TOR1AIP1: variants seen among roughly 807,000 people sequenced by gnomAD.
TOR1AIP1 encodes the protein torsin-1A-interacting protein 1.
In TOR1AIP1, 54 loss-of-function variants were observed where a neutral mutation model predicts 63.3. That is an observed-to-expected ratio of 0.85 (90% confidence interval 0.69 to 1.07). The LOEUF is 1.07. Among genes scored for constraint, TOR1AIP1 ranks in the 50% least tolerant of loss-of-function variants. The pLI is 0.00. For synonymous variants in TOR1AIP1, 294 were observed against 273.5 expected, an observed-to-expected ratio of 1.07 and a Z score of -0.74; for missense variants, 736 against 715.0, an observed-to-expected ratio of 1.03 and a Z score of -0.33.
intron 8 of TOR1AIP1, among the ~76,000 whole-genome samples, chr1:179,909,518 C>G (rs1648764328): frequency 6.6e-6 from 1 of 152,106 alleles, no homozygotes; most frequent in African/African-American, 2.4e-5. Context: ...TCAAGCAATT[C>G]TCCTGCCTCA....
At chr1:179,904,412 G>A (rs1648565592) in intron 6 of TOR1AIP1, among the ~76,000 whole-genome samples, 1 of 152,120 alleles carries the variant, frequency 6.6e-6, no homozygotes, top group Non-Finnish European at 1.5e-5. Flanking sequence ...TAAAAGTTTG[G>A]AAGGATGAAT....
chr1:179,901,389 G>C lies in TOR1AIP1; in HGVS notation c.739+1G>C, dbSNP rs900977276. ...TCCAGGGATTCTGATGAATCTGGAG[G>C]TAATATTGCTTTATATACATATGAC... is the stretch of plus-strand genomic sequence containing the variant. On this transcript the variant is annotated splice_donor_variant, in intron 5 of 9. Transcript: ENST00000606911. LOFTEE classifies it high-confidence loss of function. 6.3e-7 allele frequency: 1 copy of C among 1,591,334 alleles called. No individual in the cohort carries two copies.
intron 5 of TOR1AIP1, among the ~76,000 whole-genome samples, chr1:179,902,450 C>T (rs751365684): frequency 4.6e-5 from 7 of 151,912 alleles, no homozygotes; most frequent in African/African-American, 7.3e-5. Flanking sequence ...TGCAGTGATG[C>T]GATCATGGCT....
rs1398160862 is a variant in TOR1AIP1 at position 179,919,805 on chromosome 1, T to C, written c.*1566T>C. 1 of 152,246 alleles carries C rather than the reference T, an allele frequency of 6.6e-6. No individual in the cohort carries two copies. The allele number at this position is 152,246 out of a possible 1,614,324, so 9.4% of individuals were successfully genotyped here. A position where few individuals can be genotyped will look rare whatever the true frequency, so the allele number is the denominator to read the frequency against. ...AGTACTACCAGTATTCATAAATGTA[T>C]ACCCCTTACTGTAATTTGTTCCTCT... is the stretch of plus-strand genomic sequence containing the variant. On this transcript the variant is annotated 3_prime_UTR_variant, in exon 10 of 10. Coordinates refer to ENST00000606911, the MANE Select transcript of TOR1AIP1 (RefSeq NM_015602.4).
chr1:179,908,656 T>A lies in TOR1AIP1; in HGVS notation c.890T>A (p.Ile297Lys). The A allele has an allele frequency of 6.2e-7, 1 of 1,613,482 alleles. No individual in the cohort carries two copies. The highest frequency in any genetic ancestry group is 8.5e-7 in the Non-Finnish European group (1 of 1,179,538). The change falls in exon 8 of 10, where the codon ATA (isoleucine) becomes AAA (lysine). Residue 297 changes from isoleucine (I) to lysine (K), a missense_variant. By Grantham distance (102) the Ile-to-Lys change is moderately radical (BLOSUM62 -3). Around this residue, in one of 2 missense-constraint regions of TOR1AIP1, gnomAD observed 272 missense variants for 344.1 expected, o/e 0.79. Transcript: ENST00000606911. Reference protein sequence around the residue: ...PQEWAPQTARIRTRMQNDSIL... With the variant: ...PQEWAPQTARKRTRMQNDSIL... ...GAATGGGCCCCACAAACTGCAAGAA[T>A]AAGGACCAGGATGCAAAGTAAGTAG...
Position 179,883,913 on chromosome 1 carries a change from G to A in TOR1AIP1, c.476-779G>A, listed in dbSNP as rs1233805218. The A allele has an allele frequency of 1.0e-5, 3 of 294,182 alleles. 1 individual carries two copies. The highest frequency in any genetic ancestry group is 5.8e-5 in the South Asian group (2 of 34,216). 18.2% of individuals were successfully genotyped at this position (294,182 alleles called of 1,614,324 possible). A position where few individuals can be genotyped will look rare whatever the true frequency, so the allele number is the denominator to read the frequency against. ...AGGCACCTGTGAGGTAAAAATCAGC[G>A]GACCTGAGTCACAATGGGATGACAT... On this transcript the variant is annotated intron_variant, in intron 1 of 9. Transcript: ENST00000606911.
rs1396498786 is a variant in TOR1AIP1, at chr1:179,889,388, G to A, written c.610+19G>A. On this transcript the variant is annotated intron_variant, in intron 3 of 9. Transcript: ENST00000606911. Reference sequence around the variant, plus strand: ...AGATATGGTAAGAGATTGTTTGTCTGTTGGTTTACCTTTGTTATAAATACA... The same window carrying A: ...AGATATGGTAAGAGATTGTTTGTCTATTGGTTTACCTTTGTTATAAATACA... The A allele has an allele frequency of 1.9e-6, 3 of 1,594,286 alleles. No individual in the cohort carries two copies. Among genetic ancestry groups the A allele is most frequent in the African/African-American group, 1.3e-5 (1 of 74,564 alleles).
chr1:179,904,502 C>G (rs994684829), intron 6 of TOR1AIP1: 1 of 152,072 alleles, frequency 6.6e-6, no homozygotes, highest in Non-Finnish European at 1.5e-5. Context: ...TTCAGTCTTA[C>G]AACTGAAAAT....
At chr1:179,887,372 C>T (rs190217545) in intron 2 of TOR1AIP1, among the ~76,000 whole-genome samples, 2 of 152,174 alleles carry the variant, frequency 1.3e-5, no homozygotes, top group Non-Finnish European at 2.9e-5. Context: ...GCACTCCAGC[C>T]TGGGTGATGG....
chr1:179,908,054 G>A (rs998206841), intron 7 of TOR1AIP1, among the ~76,000 whole-genome samples, 190 bp downstream of exon 7: 2 of 151,436 alleles, frequency 1.3e-5, no homozygotes, highest in South Asian at 2.1e-4. Context: ...GACTACAGGC[G>A]CCCGCCACCA....
At chr1:179,896,013 A>C (rs1158829928) in intron 3 of TOR1AIP1, among the ~76,000 whole-genome samples, 1 of 151,270 alleles carries the variant, frequency 6.6e-6, no homozygotes, top group Non-Finnish European at 1.5e-5. Flanking sequence ...AAAACAAAAG[A>C]GGGAAATGAA....
intron 8 of TOR1AIP1, among the ~76,000 whole-genome samples, chr1:179,910,272 A>G (rs1387315487): frequency 3.3e-5 from 5 of 152,222 alleles, no homozygotes; most frequent in Admixed American, 6.5e-5. Flanking sequence ...TCTAACCACA[A>G]TAGGTCTTGA....
Position 179,882,332 on chromosome 1 carries a change from G to A in TOR1AIP1, c.-171G>A, listed in dbSNP as rs1256462115. On this transcript the variant is annotated 5_prime_UTR_variant, in exon 1 of 10. Coordinates refer to ENST00000606911, the MANE Select transcript of TOR1AIP1 (RefSeq NM_015602.4). ...AGACACACCATGGGCCCAGAGGCAGGTTTGCTACACAGCAGCGACGACGCA... is the reference window on the plus strand; with the variant it reads ...AGACACACCATGGGCCCAGAGGCAGATTTGCTACACAGCAGCGACGACGCA... 2 of 585,662 alleles carry A rather than the reference G, an allele frequency of 3.4e-6. No individual in the cohort carries two copies. Among genetic ancestry groups the A allele is most frequent in the East Asian group, 6.5e-5 (2 of 30,564 alleles). The allele number at this position is 585,662 out of a possible 1,614,324, so 36.3% of individuals were successfully genotyped here.
At chr1:179,901,559 C>G (rs1648466637) in intron 5 of TOR1AIP1, among the ~76,000 whole-genome samples, 171 bp downstream of exon 5, 1 of 152,052 alleles carries the variant, frequency 6.6e-6, no homozygotes, top group Non-Finnish European at 1.5e-5. Flanking sequence ...CCGATTAATA[C>G]TATGTCATGA....
chr1:179,890,685 C>G (rs1648049252), intron 3 of TOR1AIP1, among the ~76,000 whole-genome samples: 1 of 152,128 alleles, frequency 6.6e-6, no homozygotes, highest in Non-Finnish European at 1.5e-5. Context: ...GCAGCCTCCT[C>G]CTCCTATTGT....
In TOR1AIP1 at chr1:179,882,518, C is replaced by T. The variant is rs867916276; in HGVS notation, c.16C>T (p.Arg6Trp). The T allele has an allele frequency of 1.4e-6, 2 of 1,455,078 alleles. No individual in the cohort carries two copies. The highest frequency in any genetic ancestry group is 1.4e-5 in the African/African-American group (1 of 69,766). The allele number at this position is 1,455,078 out of a possible 1,614,324, so 90.1% of individuals were successfully genotyped here. MAGDG[R>W]RAEAVREGWG... ...GTCAACAACTATGGCGGGCGACGGG[C>T]GGCGGGCAGAGGCGGTGCGGGAAGG... The change falls in exon 1 of 10, where the codon CGG becomes TGG. Residue 6 changes from arginine (R) to tryptophan (W), a missense_variant. By Grantham distance (101) the Arg-to-Trp change is moderately radical (BLOSUM62 -3). This residue lies in a region of TOR1AIP1 where 464 missense variants were observed against 371.0 expected (regional missense o/e 1.25). Transcript: ENST00000606911.
At chr1:179,898,548 G>A (rs918995157) in intron 3 of TOR1AIP1, among the ~76,000 whole-genome samples, 3 of 152,070 alleles carry the variant, frequency 2.0e-5, no homozygotes, top group Non-Finnish European at 4.4e-5. Context: ...ATACCTTTTT[G>A]TAGGAATGGA....
intron 2 of TOR1AIP1, among the ~76,000 whole-genome samples, chr1:179,888,777 C>T (rs921096837): frequency 3.9e-5 from 6 of 152,124 alleles, no homozygotes; most frequent in South Asian, 2.1e-4. Context: ...TCGGCTTCTC[C>T]GCTATCCCTA....
chr1:179,908,187 T>A (rs908351922), intron 7 of TOR1AIP1, among the ~76,000 whole-genome samples: 1 of 151,948 alleles, frequency 6.6e-6, no homozygotes, highest in African/African-American at 2.4e-5. Flanking sequence ...GAATTACAGG[T>A]GTGAGCCACC....
Sources: allele counts gnomAD v4.1 joint callset (sites outside exome capture counted in the v4.1 genomes callset), GRCh38; gene constraint gnomAD v4.1.1; regional missense constraint gnomAD v4.1.1; transcripts MANE v1.5; gene names NCBI Gene and HGNC (gene_info 2026-07-23, HGNC 2026-07-21).